Variants in FLNB observed in about 807,000 individuals in gnomAD.
The protein encoded by FLNB is filamin B, also known as filamin-B.
A neutral mutation model predicts 250.6 loss-of-function variants in FLNB; 111 were observed. The ratio of observed to expected loss-of-function variants is 0.44; its 90% CI spans 0.38 to 0.52. The LOEUF (loss-of-function observed/expected upper bound fraction) is 0.52. Ranked by LOEUF, FLNB falls within the 20% of genes least tolerant of loss-of-function variation. The pLI is 0.00. For missense variants in FLNB, 2,869 were observed against 3,447.8 expected, an observed-to-expected ratio of 0.83 and a Z score of 4.20; for synonymous variants, 1,302 against 1,372.1, an observed-to-expected ratio of 0.95 and a Z score of 1.13.
chr3:58,019,820 A>T (rs1210201082), intron 1 of FLNB, among the ~76,000 whole-genome samples: 1 of 152,130 alleles, frequency 6.6e-6, no homozygotes, highest in Non-Finnish European at 1.5e-5. Context: ...TCTGACTGGG[A>T]CCTTTTCCAG....
At chr3:58,112,391 TG>T in intron 18 of FLNB, 73 bp downstream of exon 18, 2 of 1,469,236 alleles carry the variant, frequency 1.4e-6, no homozygotes, top group Non-Finnish European at 1.9e-6. Context: ...GCTGGGTCAC[TG>T]TGGACACCAA....
At chr3:58,137,623 A>G (rs1354852328) in intron 28 of FLNB, among the ~76,000 whole-genome samples, 2 of 152,082 alleles carry the variant, frequency 1.3e-5, no homozygotes, top group Admixed American at 6.5e-5. Flanking sequence ...GCATTTCCTG[A>G]TATGTGGATC....
In FLNB at chr3:58,098,043, C is replaced by G; in HGVS notation, c.1147+66C>G. On this transcript the variant is annotated intron_variant, in intron 7 of 45. Coordinates refer to ENST00000295956, the MANE Select transcript of FLNB (RefSeq NM_001457.4). ...CTTCCAGAGGCTGAAATATAATCCT[C>G]GGGGACTTGAAGGCCTGACCTTTTG... The G allele has an allele frequency of 3.9e-6, 6 of 1,548,604 alleles. 1 individual carries two copies. Among genetic ancestry groups the G allele is most frequent in the South Asian group, 3.4e-5 (3 of 89,100 alleles).
intron 6 of FLNB, among the ~76,000 whole-genome samples, chr3:58,097,042 C>A (rs1334584302): frequency 2.0e-5 from 3 of 152,164 alleles, no homozygotes; most frequent in Non-Finnish European, 4.4e-5. Flanking sequence ...GCTGAGAGAG[C>A]CTGTCTTGCA....
Position 58,083,367 on chromosome 3 carries a change from CTT to C in FLNB, c.787+1611_787+1612del, listed in dbSNP as rs71091341. 4.4e-4 allele frequency among the ~76,000 whole-genome samples: 40 copies of C among 91,484 alleles called. 1 individual carries two copies. The highest frequency in any genetic ancestry group is 9.1e-3 in the Middle Eastern group (1 of 110). The allele number at this position is 91,484 out of a possible 152,430, so 60.0% of individuals were successfully genotyped here. A position where few individuals can be genotyped will look rare whatever the true frequency, so the allele number is the denominator to read the frequency against. ...TTTTCCTGCTTGGTATCAGCTTAGT[CTT>C]TTTTTTTTTTTTTTTTTTTGAGAGT... On this transcript the variant is annotated intron_variant, in intron 4 of 45. Transcript: ENST00000295956.
chr3:58,042,490 A>T (rs374575227), intron 1 of FLNB, among the ~76,000 whole-genome samples: 87 of 151,890 alleles, frequency 5.7e-4, no homozygotes, highest in African/African-American at 2.0e-3. Flanking sequence ...CTGGGACTAC[A>T]GGCATGTGCC....
chr3:58,056,632 C>T (rs1035464683), intron 1 of FLNB, among the ~76,000 whole-genome samples: 29 of 152,154 alleles, frequency 1.9e-4, no homozygotes, highest in Non-Finnish European at 3.8e-4. Context: ...GACGGAGTCT[C>T]GCTTTGTTGC....
In FLNB at chr3:58,163,231, G is replaced by A. The variant is rs115747856; in HGVS notation, c.7099G>A (p.Val2367Ile). 1,380 of 1,614,208 alleles carry A rather than the reference G, an allele frequency of 8.5e-4. 13 individuals are homozygous for A. In the African/African-American group the frequency reaches 0.016, roughly 19 times the overall value. ...TGTCAAGTTCAATGGGAGCCACGTG[G>A]TTGGAAGCCCCTTCAAAGTGCGCGT... ...IDVKFNGSHV[V>I]GSPFKVRVGE... The change falls in exon 43 of 46, where the codon GTT (valine) becomes ATT (isoleucine). Residue 2367 changes from valine (V) to isoleucine (I), a missense_variant. Around this residue, in one of 5 missense-constraint regions of FLNB, gnomAD observed 1,084 missense variants for 1,315.5 expected, o/e 0.82. Transcript: ENST00000295956.
In FLNB at chr3:58,155,919, T is replaced by A. The variant is rs1328580017; in HGVS notation, c.6773-41T>A. 4 of 1,382,554 alleles carry A rather than the reference T, an allele frequency of 2.9e-6. No homozygotes were observed. In the East Asian group the frequency reaches 9.1e-5, roughly 32 times the overall value. The allele number at this position is 1,382,554 out of a possible 1,614,324, so 85.6% of individuals were successfully genotyped here. A position where few individuals can be genotyped will look rare whatever the true frequency, so the allele number is the denominator to read the frequency against. Reference sequence around the variant, plus strand: ...GTGAGAAGCAAGAGTCCACTCTGGGTCCAGAGTCTCTGAAATGATGGGACT... The same window carrying A: ...GTGAGAAGCAAGAGTCCACTCTGGGACCAGAGTCTCTGAAATGATGGGACT... On this transcript the variant is annotated intron_variant, in intron 40 of 45. Transcript: ENST00000295956.
rs55987295 is a variant in FLNB at position 58,073,149 on chromosome 3, C to CTATTTATTTATTTATTTATT, written c.293-3886_293-3867dup. Among the ~76,000 whole-genome samples the CTATTTATTTATTTATTTATT allele has an allele frequency of 7.5e-3, 1,092 of 145,718 alleles. 10 individuals carry two copies. The highest frequency in any genetic ancestry group is 9.3e-3 in the Non-Finnish European group (612 of 65,684). On this transcript the variant is annotated intron_variant, in intron 1 of 45. Coordinates refer to ENST00000295956, the MANE Select transcript of FLNB (RefSeq NM_001457.4). The stretch of plus-strand genomic sequence containing the variant: ...CACCATTACCCTGACAGTATACCCA[C>CTATTTATTTATTTATTTATT]TATTTATTTATTTATTTATTTATTT...
At chr3:58,077,328 A>T in intron 2 of FLNB, 34 bp downstream of exon 2, 2 of 1,609,306 alleles carry the variant, frequency 1.2e-6, no homozygotes, top group Non-Finnish European at 1.7e-6. Context: ...CCATCTGTCC[A>T]GGATGGGGGT....
rs2097313511 is a variant in FLNB, at chr3:58,134,899, C to T, written c.4671+127C>T. The T allele has an allele frequency of 1.7e-5, 15 of 891,266 alleles. No homozygotes were observed. In the South Asian group the frequency reaches 2.4e-4, roughly 14 times the overall value. The allele number at this position is 891,266 out of a possible 1,614,324, so 55.2% of individuals were successfully genotyped here. A position where few individuals can be genotyped will look rare whatever the true frequency, so the allele number is the denominator to read the frequency against. On this transcript the variant is annotated intron_variant, in intron 27 of 45. Transcript: ENST00000295956. ...CAAGTTGTTTGTTAGATTTTCCCACCAAAGAGTCAGTAAATGTGCAGAAGC... is the reference window on the plus strand; with the variant it reads ...CAAGTTGTTTGTTAGATTTTCCCACTAAAGAGTCAGTAAATGTGCAGAAGC...
In FLNB at chr3:58,126,710, C is replaced by T. The variant is rs374070003; in HGVS notation, c.4170C>T (p.Phe1390=). Residue 1390 remains phenylalanine, a synonymous_variant, in exon 24 of 46, where the codon TTC becomes TTT. Coordinates refer to ENST00000295956, the MANE Select transcript of FLNB (RefSeq NM_001457.4). ...GCTGCAGTGCTGAGTACATTCCTTT[C>T]GCACCGGGGGATTACGATGTTAATA... ...DGSCSAEYIP[F]APGDYDVNIT... 97 of 1,613,964 alleles carry T rather than the reference C, an allele frequency of 6.0e-5. No homozygotes were observed. Among genetic ancestry groups the T allele is most frequent in the South Asian group, 5.8e-4 (53 of 91,072 alleles).
rs757765423 is a variant in FLNB at position 58,124,312 on chromosome 3, G to A, written c.3725-20G>A. The A allele has an allele frequency of 6.2e-7, 1 of 1,614,154 alleles. No homozygotes were observed. Among genetic ancestry groups the A allele is most frequent in the East Asian group, 2.2e-5 (1 of 44,892 alleles). On this transcript the variant is annotated intron_variant, in intron 21 of 45. Coordinates refer to ENST00000295956, the MANE Select transcript of FLNB (RefSeq NM_001457.4). The stretch of plus-strand genomic sequence containing the variant: ...GTCTGGGGTACTGGTGGCAGTGTTA[G>A]CTATGTGCTTGCTCTGCAGATGTGT...
In FLNB at chr3:58,056,044, T is replaced by A. The variant is rs1015056869; in HGVS notation, c.293-21002T>A. ...TACACCTGTGTTTTATGGTCTTCGT[T>A]TGTAATGAAAAGAAATGCCATTAAT... On this transcript the variant is annotated intron_variant, in intron 1 of 45. Transcript: ENST00000295956. 7.2e-5 allele frequency among the ~76,000 whole-genome samples: 11 copies of A among 151,960 alleles called. No homozygotes were observed. The South Asian group carries it at 1.7e-3, about 23-fold the overall frequency.
intron 24 of FLNB, among the ~76,000 whole-genome samples, chr3:58,129,668 A>G (rs781238256): frequency 1.1e-4 from 16 of 152,182 alleles, no homozygotes; most frequent in Non-Finnish European, 2.1e-4. Flanking sequence ...TTGGCTGTCT[A>G]CCATCTCTAA....
chr3:58,033,030 A>G (rs2097133103), intron 1 of FLNB, among the ~76,000 whole-genome samples: 1 of 152,188 alleles, frequency 6.6e-6, no homozygotes, highest in South Asian at 2.1e-4. Context: ...CTGAGATTGC[A>G]TGACTGCACT....
chr3:58,067,753 C>A (rs545214135), intron 1 of FLNB, among the ~76,000 whole-genome samples: 1 of 151,980 alleles, frequency 6.6e-6, no homozygotes, highest in Non-Finnish European at 1.5e-5. Flanking sequence ...CCCACCATCA[C>A]GCCCGGCTAA....
intron 5 of FLNB, among the ~76,000 whole-genome samples, chr3:58,095,772 G>T (rs2107046968): frequency 6.6e-6 from 1 of 152,342 alleles, no homozygotes; most frequent in South Asian, 2.1e-4. Context: ...CCGGGGCAGG[G>T]ATTGTATCTG....
Sources: allele counts gnomAD v4.1 joint callset (sites outside exome capture counted in the v4.1 genomes callset), GRCh38; gene constraint gnomAD v4.1.1; regional missense constraint gnomAD v4.1.1; transcripts MANE v1.5; gene names NCBI Gene and HGNC (gene_info 2026-07-23, HGNC 2026-07-21).